Variants in CSMD3 observed in about 807,000 individuals in gnomAD.
CSMD3 encodes the protein CUB and sushi domain-containing protein 3.
A neutral mutation model predicts 435.2 loss-of-function variants in CSMD3; 177 were observed. The observed-to-expected ratio is 0.41, with a 90% CI of 0.36 to 0.46. The LOEUF is 0.46. CSMD3 is among the 20% of genes least tolerant of loss of function. The pLI, the probability that CSMD3 is intolerant of heterozygous loss-of-function variation, is 0.34. For missense variants in CSMD3, 4,265 were observed against 4,504.6 expected, an observed-to-expected ratio of 0.95 and a Z score of 1.52; for synonymous variants, 1,656 against 1,520.5, an observed-to-expected ratio of 1.09 and a Z score of -2.07.
intron 13 of CSMD3, among the ~76,000 whole-genome samples, chr8:112,759,060 A>G (rs898524834): frequency 2.0e-5 from 3 of 152,138 alleles, no homozygotes; most frequent in African/African-American, 4.8e-5. Flanking sequence ...CTATCAGAGT[A>G]ATACTGTTCT....
intron 10 of CSMD3, among the ~76,000 whole-genome samples, chr8:112,903,542 G>C (rs767937928): frequency 6.6e-6 from 1 of 151,246 alleles, no homozygotes; most frequent in African/African-American, 2.4e-5. Flanking sequence ...ACCTCAGGGA[G>C]TATGGGGAAG....
chr8:112,400,066 T>C (rs1239157509), intron 35 of CSMD3, among the ~76,000 whole-genome samples: 1 of 152,168 alleles, frequency 6.6e-6, no homozygotes, highest in African/African-American at 2.4e-5. Context: ...TTTGTTACAG[T>C]AGCACCCCAC....
At chr8:112,336,918 G>T in intron 43 of CSMD3, 89 bp from the exon 44 acceptor site, 1 of 1,110,568 alleles carries the variant, frequency 9.0e-7, no homozygotes, top group Non-Finnish European at 1.3e-6. Context: ...CATATCTTAA[G>T]CATTATGAAA....
intron 1 of CSMD3, among the ~76,000 whole-genome samples, chr8:113,380,417 A>T (rs2094410045): frequency 6.6e-6 from 1 of 150,846 alleles, no homozygotes. Flanking sequence ...ATATTTACAT[A>T]TAAAAGCTGC....
intron 13 of CSMD3, among the ~76,000 whole-genome samples, chr8:112,751,815 T>A (rs67283028): frequency 0.33 from 50,435 of 151,678 alleles, 9,242 homozygotes; most frequent in African/African-American, 0.5. Flanking sequence ...CTTTTTATTA[T>A]TATTATTTTA....
chr8:113,215,923 T>A (rs1054805145), intron 3 of CSMD3, among the ~76,000 whole-genome samples: 4 of 151,754 alleles, frequency 2.6e-5, no homozygotes, highest in South Asian at 2.1e-4. Context: ...TTAAAAAAAA[T>A]TTGGTAGGAA....
chr8:112,921,034 C>CACAT (rs1181634704), intron 10 of CSMD3, among the ~76,000 whole-genome samples: 1 of 129,838 alleles, frequency 7.7e-6, no homozygotes, highest in Non-Finnish European at 1.7e-5. Flanking sequence ...CACACACACA[C>CACAT]ATATATATAC....
At chr8:112,644,661 T>G (rs1412849218) in intron 20 of CSMD3, among the ~76,000 whole-genome samples, 1 of 152,090 alleles carries the variant, frequency 6.6e-6, no homozygotes, top group Non-Finnish European at 1.5e-5. Context: ...GCTATAAATT[T>G]ATATAGAGAA....
At chr8:112,432,118 G>A (rs1223280765) in intron 32 of CSMD3, among the ~76,000 whole-genome samples, 1 of 151,866 alleles carries the variant, frequency 6.6e-6, no homozygotes, top group African/African-American at 2.4e-5. Context: ...AAAAAAATGA[G>A]TGAGCAAAGC....
chr8:112,943,979 T>C (rs1224345240), intron 9 of CSMD3, among the ~76,000 whole-genome samples: 2 of 151,706 alleles, frequency 1.3e-5, no homozygotes, highest in African/African-American at 4.8e-5. Context: ...TGTTTGTAGC[T>C]AGGAAGCTCA....
chr8:112,407,209 CTT>C (rs1831937587), intron 34 of CSMD3, among the ~76,000 whole-genome samples: 2 of 151,804 alleles, frequency 1.3e-5, no homozygotes, highest in South Asian at 2.1e-4. Context: ...ATTTCACAAA[CTT>C]AATTTCAAAC....
chr8:112,581,179 A>G (rs1830311214), intron 23 of CSMD3, among the ~76,000 whole-genome samples: 1 of 152,018 alleles, frequency 6.6e-6, no homozygotes, highest in African/African-American at 2.4e-5. Context: ...TATTATCAGA[A>G]TGTTTCAGGG....
chr8:112,719,101 T>A (rs562744198), intron 13 of CSMD3, among the ~76,000 whole-genome samples: 6 of 152,186 alleles, frequency 3.9e-5, no homozygotes, highest in South Asian at 2.1e-4. Context: ...TGTAAAAAAA[T>A]TTCATTAGAC....
At chr8:112,767,000 GACTA>G (rs1407199845) in intron 13 of CSMD3, among the ~76,000 whole-genome samples, 1 of 151,830 alleles carries the variant, frequency 6.6e-6, no homozygotes, top group Non-Finnish European at 1.5e-5. Context: ...AACAATAACT[GACTA>G]TGCATCAGGG....
At chr8:113,236,207 T>C (rs1306129154) in intron 3 of CSMD3, among the ~76,000 whole-genome samples, 1 of 152,168 alleles carries the variant, frequency 6.6e-6, no homozygotes, top group Non-Finnish European at 1.5e-5. Flanking sequence ...CAACTGCAGG[T>C]CCGCCTTTGC....
In CSMD3 at chr8:112,223,340, T is replaced by C. The variant is rs964379980; in HGVS notation, c.*1431A>G. ...GCAAGGGTTTCTCTTAGGCACTCTG[T>C]CTCATGATACAAAAAGTCAAGACTG... On this transcript the variant is annotated 3_prime_UTR_variant, in exon 71 of 71. Coordinates refer to ENST00000297405, the MANE Select transcript of CSMD3 (RefSeq NM_198123.2). The C allele has an allele frequency of 1.2e-5, 4 of 330,764 alleles. No individual in the cohort carries two copies. The highest frequency in any genetic ancestry group is 6.3e-5 in the African/African-American group (3 of 47,656). 20.5% of individuals were successfully genotyped at this position (330,764 alleles called of 1,614,324 possible). A position where few individuals can be genotyped will look rare whatever the true frequency, so the allele number is the denominator to read the frequency against.
intron 30 of CSMD3, among the ~76,000 whole-genome samples, chr8:112,496,919 T>C (rs1399632583): frequency 1.3e-5 from 2 of 152,168 alleles, no homozygotes; most frequent in East Asian, 3.8e-4. Flanking sequence ...TCAATAATAA[T>C]TTAATTGTAC....
At chr8:112,633,614 T>C (rs1482200078) in intron 22 of CSMD3, among the ~76,000 whole-genome samples, 3 of 152,018 alleles carry the variant, frequency 2.0e-5, no homozygotes, top group Non-Finnish European at 2.9e-5. Flanking sequence ...GTGTAGGAAA[T>C]TGTTTAAAGA....
intron 13 of CSMD3, among the ~76,000 whole-genome samples, chr8:112,771,311 G>A (rs1224773468): frequency 6.6e-6 from 1 of 152,012 alleles, no homozygotes; most frequent in African/African-American, 2.4e-5. Flanking sequence ...AGGTCAAGGT[G>A]GGCATTCACT....
Sources: allele counts gnomAD v4.1 joint callset (sites outside exome capture counted in the v4.1 genomes callset), GRCh38; gene constraint gnomAD v4.1.1; transcripts MANE v1.5; gene names NCBI Gene and HGNC (gene_info 2026-07-23, HGNC 2026-07-21).